The following ZFHX3 variants were observed in gnomAD, a reference collection of about 807,000 sequenced individuals.
The protein encoded by ZFHX3 is zinc finger homeobox protein 3.
ZFHX3 carries 42 observed loss-of-function variants against 279.1 expected under a neutral mutation model. That is an observed-to-expected ratio of 0.15 (90% CI 0.12 to 0.19). The LOEUF is 0.19. ZFHX3 is among the 10% of genes least tolerant of loss of function. The probability of loss-of-function intolerance (pLI) is 1.00; values close to 1 mark genes in which losing one functional copy is unlikely to be tolerated. For synonymous variants in ZFHX3, 2,293 were observed against 1,957.8 expected (o/e 1.17, Z -4.52); for missense variants, 4,981 against 4,754.0 (o/e 1.05, Z -1.40).
At chr16:73,283,579 C>T (rs1015693149) in intron 4 of ZFHX3, among the ~76,000 whole-genome samples, 4 of 152,174 alleles carry the variant, frequency 2.6e-5, no homozygotes, top group Non-Finnish European at 5.9e-5. Context: ...TGAAAGTTCC[C>T]TAATGGAGTA....
At chr16:73,882,495 C>G (rs1478546218) in intron 1 of ZFHX3, among the ~76,000 whole-genome samples, 2 of 151,880 alleles carry the variant, frequency 1.3e-5, no homozygotes, top group African/African-American at 4.8e-5. Context: ...GCTCTTTAAC[C>G]GCGGTTCTCC....
intron 1 of ZFHX3, among the ~76,000 whole-genome samples, chr16:73,017,421 A>G (rs555483578): frequency 6.6e-6 from 1 of 152,146 alleles, no homozygotes; most frequent in South Asian, 2.1e-4. Flanking sequence ...CTTGAAAGGT[A>G]TATCTGAAAA....
At chr16:72,802,198 T>C (rs2036123457) in intron 7 of ZFHX3, among the ~76,000 whole-genome samples, 1 of 151,820 alleles carries the variant, frequency 6.6e-6, no homozygotes, top group African/African-American at 2.4e-5. Flanking sequence ...AAAACTCAGA[T>C]GGCTATGAAT....
intron 4 of ZFHX3, among the ~76,000 whole-genome samples, chr16:72,840,350 C>T (rs2037315349): frequency 6.6e-6 from 1 of 152,026 alleles, no homozygotes; most frequent in Non-Finnish European, 1.5e-5. Flanking sequence ...GTAACAGGAG[C>T]GTCAACGGTG....
At chr16:73,750,796 A>G (rs919628710) in intron 1 of ZFHX3, among the ~76,000 whole-genome samples, 5 of 152,212 alleles carry the variant, frequency 3.3e-5, no homozygotes, top group South Asian at 2.1e-4. Flanking sequence ...ATTGCAGGCA[A>G]TTAGGGGTAA....
chr16:73,837,937 CCTG>C (rs1961187600), intron 1 of ZFHX3, among the ~76,000 whole-genome samples: 1 of 152,154 alleles, frequency 6.6e-6, no homozygotes, highest in Admixed American at 6.5e-5. Flanking sequence ...CACCCAGCCT[CCTG>C]CTATTTTCAA....
At chr16:72,997,194 T>C (rs1963327594) in intron 1 of ZFHX3, among the ~76,000 whole-genome samples, 1 of 152,180 alleles carries the variant, frequency 6.6e-6, no homozygotes. Context: ...ATCGCTCCCA[T>C]CTGTCACTGG....
intron 2 of ZFHX3, among the ~76,000 whole-genome samples, chr16:73,550,371 G>C (rs2143769111): frequency 6.6e-6 from 1 of 152,192 alleles, no homozygotes; most frequent in Non-Finnish European, 1.5e-5. Context: ...AAACTTGACG[G>C]GACAAGCTGG....
Position 72,950,823 on chromosome 16 carries a change from C to T in ZFHX3, c.2862G>A (p.Thr954=), listed in dbSNP as rs755083262. The T allele has an allele frequency of 2.4e-5, 38 of 1,614,048 alleles. No individual in the cohort carries two copies. The East Asian group carries it at 3.8e-4, about 16-fold the overall frequency. The change falls in exon 3 of 10, where the codon ACG becomes ACA. Residue 954 remains threonine (T), a synonymous_variant. Coordinates refer to ENST00000268489, the MANE Select transcript of ZFHX3 (RefSeq NM_006885.4). ...LFQCAVCNKF[T]TDNLDMLGLH... ...GGCCCAGCATGTCCAGGTTGTCCGT[C>T]GTGAACTTGTTGCAGACGGCGCACT...
intron 1 of ZFHX3, among the ~76,000 whole-genome samples, chr16:73,745,675 C>T (rs1185235996): frequency 1.3e-5 from 2 of 152,100 alleles, no homozygotes; most frequent in African/African-American, 2.4e-5. Flanking sequence ...TTCTTTTTAC[C>T]ATGAACATGC....
At chr16:73,456,804 A>T (rs1180312611) in intron 2 of ZFHX3, among the ~76,000 whole-genome samples, 5 of 152,240 alleles carry the variant, frequency 3.3e-5, no homozygotes, top group African/African-American at 1.2e-4. Context: ...TTGAACACAG[A>T]ATTACTAAGC....
intron 1 of ZFHX3, among the ~76,000 whole-genome samples, chr16:73,832,805 A>C (rs1035225585): frequency 3.3e-5 from 5 of 152,104 alleles, no homozygotes; most frequent in African/African-American, 4.8e-5. Flanking sequence ...ACACACACAC[A>C]CCTTGAAAAT....
intron 2 of ZFHX3, among the ~76,000 whole-genome samples, chr16:73,470,703 G>C (rs1002042823): frequency 2.0e-5 from 3 of 152,190 alleles, no homozygotes; most frequent in Admixed American, 1.3e-4. Flanking sequence ...ACTTTCAACA[G>C]ATACATTTTC....
intron 8 of ZFHX3, among the ~76,000 whole-genome samples, chr16:73,080,725 C>G (rs534197230): frequency 2.4e-4 from 36 of 152,074 alleles, no homozygotes; most frequent in Non-Finnish European, 3.7e-4. Flanking sequence ...CGGCATACAC[C>G]ACCATGCCTG....
intron 2 of ZFHX3, among the ~76,000 whole-genome samples, chr16:73,601,001 T>A (rs1331790542): frequency 1.1e-5 from 1 of 88,710 alleles, no homozygotes; most frequent in Non-Finnish European, 2.4e-5. Context: ...AGTGATAGCC[T>A]TTTTTGTTTC....
rs1018274567 is a variant in ZFHX3, at chr16:73,270,043, C to T, written c.-1193-12907G>A. On this transcript the variant is annotated intron_variant, in intron 4 of 17. Coordinates refer to the ZFHX3 transcript ENST00000641206. ...GATTACAGGTACGAGCCACCATGTC[C>T]GGCCTGCCCATATATTTTTCAACTT... is the stretch of plus-strand genomic sequence containing the variant. 7.2e-5 allele frequency among the ~76,000 whole-genome samples: 11 copies of T among 152,054 alleles called. No homozygotes were observed. The South Asian group carries it at 1.0e-3, about 14-fold the overall frequency.
At chr16:73,373,199 T>C (rs2016662542) in intron 3 of ZFHX3, among the ~76,000 whole-genome samples, 1 of 152,122 alleles carries the variant, frequency 6.6e-6, no homozygotes, top group African/African-American at 2.4e-5. Context: ...AGAGAAATTG[T>C]CGACTGCTTT....
chr16:73,663,031 A>C (rs989674703), intron 2 of ZFHX3, among the ~76,000 whole-genome samples: 4 of 152,234 alleles, frequency 2.6e-5, no homozygotes, highest in African/African-American at 9.6e-5. Flanking sequence ...GCATACTCCA[A>C]AACTCAGCAG....
intron 3 of ZFHX3, among the ~76,000 whole-genome samples, chr16:73,365,834 G>A (rs1220254250): frequency 6.6e-6 from 1 of 152,154 alleles, no homozygotes; most frequent in Non-Finnish European, 1.5e-5. Context: ...GAGATTCCCA[G>A]GTGCAGGCAA....
Sources: allele counts gnomAD v4.1 joint callset (sites outside exome capture counted in the v4.1 genomes callset), GRCh38; gene constraint gnomAD v4.1.1; transcripts MANE v1.5; gene names NCBI Gene and HGNC (gene_info 2026-07-23, HGNC 2026-07-21).